The following DTD1 variants were observed in gnomAD, a reference collection of about 807,000 sequenced individuals.
The protein encoded by DTD1 is D-tyrosyl-tRNA deacylase 1 homolog.
DTD1 carries 13 observed loss-of-function variants against 25.6 expected under a neutral mutation model. The ratio of observed to expected loss-of-function variants is 0.51; its 90% CI spans 0.33 to 0.81. DTD1 has a LOEUF of 0.81. Among genes scored for constraint, DTD1 ranks in the 30% least tolerant of loss-of-function variants. The pLI, the probability that DTD1 is intolerant of heterozygous loss-of-function variation, is 0.02. For missense variants in DTD1, 193 were observed against 266.4 expected (o/e 0.72, Z 1.92); for synonymous variants, 110 against 103.6 (o/e 1.06, Z -0.37).
chr20:18,744,651 A>AC (rs2061293084), intron 5 of DTD1, among the ~76,000 whole-genome samples: 3 of 109,020 alleles, frequency 2.8e-5, no homozygotes, highest in African/African-American at 1.1e-4. Context: ...AAAAAAAACA[A>AC]AAAACAAGTG....
chr20:18,700,574 A>G (rs994541096), intron 4 of DTD1, among the ~76,000 whole-genome samples: 1 of 151,546 alleles, frequency 6.6e-6, no homozygotes, highest in Non-Finnish European at 1.5e-5. Flanking sequence ...TATGTGGATG[A>G]ATTACATAGT....
intron 5 of DTD1, among the ~76,000 whole-genome samples, chr20:18,759,986 G>C (rs1287580231): frequency 6.6e-6 from 1 of 151,838 alleles, no homozygotes; most frequent in African/African-American, 2.4e-5. Flanking sequence ...TCATTCATTT[G>C]ATCTTCCATC....
chr20:18,651,586 G>A (rs1327945980), intron 4 of DTD1, among the ~76,000 whole-genome samples: 2 of 152,316 alleles, frequency 1.3e-5, no homozygotes, highest in African/African-American at 4.8e-5. Flanking sequence ...TGAGAGTTCT[G>A]TCACTGCATC....
intron 4 of DTD1, among the ~76,000 whole-genome samples, chr20:18,737,852 T>C (rs1253915778): frequency 6.6e-6 from 1 of 152,186 alleles, no homozygotes; most frequent in Non-Finnish European, 1.5e-5. Flanking sequence ...GGACCAAGGT[T>C]AGGACCAGTT....
intron 3 of DTD1, chr20:18,611,078 T>C (rs1003348292): frequency 1.1e-4 from 16 of 152,244 alleles, no homozygotes; most frequent in Non-Finnish European, 1.5e-4. Context: ...ACGAAGTAGG[T>C]GGCAATGCCT....
chr20:18,723,733 C>A (rs2061213861), intron 4 of DTD1, among the ~76,000 whole-genome samples: 1 of 152,218 alleles, frequency 6.6e-6, no homozygotes, highest in Admixed American at 6.5e-5. Flanking sequence ...CGTGCTGCAG[C>A]TCCATTGTAG....
intron 5 of DTD1, among the ~76,000 whole-genome samples, chr20:18,756,040 CAT>C (rs1361758957): frequency 6.6e-6 from 1 of 151,110 alleles, no homozygotes; most frequent in African/African-American, 2.4e-5. Flanking sequence ...AGCATTTTTT[CAT>C]GTGTCTTTTG....
At chr20:18,693,580 C>A (rs1480145117) in intron 4 of DTD1, among the ~76,000 whole-genome samples, 1 of 151,868 alleles carries the variant, frequency 6.6e-6, no homozygotes, top group African/African-American at 2.4e-5. Flanking sequence ...TCGCTTGAAC[C>A]CAGGAGGCGG....
At chr20:18,683,416 TTA>T (rs776007307) in intron 4 of DTD1, among the ~76,000 whole-genome samples, 3 of 152,230 alleles carry the variant, frequency 2.0e-5, no homozygotes, top group African/African-American at 4.8e-5. Flanking sequence ...CAAGATTATT[TTA>T]TGTCTTTCAG....
intron 4 of DTD1, among the ~76,000 whole-genome samples, chr20:18,683,595 G>T (rs893987938): frequency 7.9e-5 from 12 of 152,164 alleles, no homozygotes; most frequent in Non-Finnish European, 1.5e-4. Flanking sequence ...GTAAGTGCAG[G>T]TTGAAGACAC....
intron 4 of DTD1, among the ~76,000 whole-genome samples, chr20:18,732,203 T>G (rs1321129508): frequency 1.3e-5 from 2 of 152,222 alleles, no homozygotes; most frequent in Non-Finnish European, 2.9e-5. Flanking sequence ...TTCTTAAGAC[T>G]CTAGTAAATT....
chr20:18,609,555 T>G (rs1232355970), intron 3 of DTD1, among the ~76,000 whole-genome samples: 2 of 152,116 alleles, frequency 1.3e-5, no homozygotes, highest in East Asian at 3.8e-4. Flanking sequence ...CTTAATAAAA[T>G]TTTTGAAATT....
At chr20:18,715,134 G>A (rs2061174944) in intron 4 of DTD1, among the ~76,000 whole-genome samples, 1 of 152,148 alleles carries the variant, frequency 6.6e-6, no homozygotes, top group Non-Finnish European at 1.5e-5. Flanking sequence ...CCGAGTGGGT[G>A]TCATCCCTGA....
intron 4 of DTD1, among the ~76,000 whole-genome samples, chr20:18,692,452 G>A (rs1367699301): frequency 6.6e-6 from 1 of 152,238 alleles, no homozygotes; most frequent in Non-Finnish European, 1.5e-5. Context: ...GCTAGGGGGA[G>A]AAGAGGTCAT....
At chr20:18,747,542 G>A (rs1196438865) in intron 5 of DTD1, among the ~76,000 whole-genome samples, 2 of 152,180 alleles carry the variant, frequency 1.3e-5, no homozygotes, top group African/African-American at 4.8e-5. Flanking sequence ...CCAAGTTTTA[G>A]TAATTACTTG....
At chr20:18,750,529 T>A (rs1169291933) in intron 5 of DTD1, among the ~76,000 whole-genome samples, 1 of 152,170 alleles carries the variant, frequency 6.6e-6, no homozygotes, top group African/African-American at 2.4e-5. Flanking sequence ...AACTGCATGA[T>A]CTTGGGCATA....
intron 4 of DTD1, among the ~76,000 whole-genome samples, chr20:18,657,062 A>G (rs1292135802): frequency 6.6e-6 from 1 of 152,232 alleles, no homozygotes; most frequent in Non-Finnish European, 1.5e-5. Context: ...GGAAATTAAC[A>G]TTGATACAAC....
intron 4 of DTD1, among the ~76,000 whole-genome samples, chr20:18,724,680 G>A (rs988827790): frequency 6.6e-6 from 1 of 152,156 alleles, no homozygotes; most frequent in Non-Finnish European, 1.5e-5. Flanking sequence ...AATCTGTAGT[G>A]GGCACTAAAT....
At chr20:18,691,019 T>C (rs2061044732) in intron 4 of DTD1, among the ~76,000 whole-genome samples, 1 of 152,144 alleles carries the variant, frequency 6.6e-6, no homozygotes, top group African/African-American at 2.4e-5. Flanking sequence ...AAAATGCTTG[T>C]TGTCACTAAT....
Sources: gnomAD v4.1 joint callset for allele counts (sites outside exome capture counted in the v4.1 genomes callset) on GRCh38, gnomAD v4.1.1 for gene constraint, MANE v1.5 for transcripts, NCBI Gene and HGNC (gene_info 2026-07-23, HGNC 2026-07-21) for gene names.